The following ZNF322 variants were observed in gnomAD, a reference collection of about 807,000 sequenced individuals.
ZNF322 encodes zinc finger protein 322.
ZNF322 carries 1 observed loss-of-function variant against 18.3 expected under a neutral mutation model. The ratio of observed to expected loss-of-function variants is 0.05; its 90% CI spans 0.02 to 0.26. ZNF322 has a LOEUF of 0.26. Ranked by LOEUF, ZNF322 falls within the 10% of genes least tolerant of loss-of-function variation. ZNF322 has a pLI of 1.00. For synonymous variants in ZNF322, 17 were observed against 130.7 expected (o/e 0.13, Z 5.93); for missense variants, 36 against 403.6 (o/e 0.09, Z 7.80).
rs573592273 is a variant in ZNF322 at position 26,658,621 on chromosome 6, T to C, written c.-309A>G. 1 of 166,892 alleles carries C rather than the reference T, an allele frequency of 6.0e-6. No individual in the cohort carries two copies. The highest frequency in any genetic ancestry group is 1.9e-4 in the East Asian group (1 of 5,190). 10.3% of individuals were successfully genotyped at this position (166,892 alleles called of 1,614,324 possible). A position where few individuals can be genotyped will look rare whatever the true frequency, so the allele number is the denominator to read the frequency against. ...TCAAAAGGTCTCTAGTTCAGAACTA[T>C]TCACAACACTCAATTCTTGCCTCTC... On this transcript the variant is annotated 5_prime_UTR_variant, in exon 2 of 4. Coordinates refer to ENST00000415922, the MANE Select transcript of ZNF322 (RefSeq NM_024639.5).
chr6:26,644,590 A>G (rs189189115), intron 2 of ZNF322, among the ~76,000 whole-genome samples: 3 of 152,356 alleles, frequency 2.0e-5, no homozygotes, highest in Admixed American at 2.0e-4. Context: ...AAAAGCACAT[A>G]GCATGCAAGT....
chr6:26,651,925 A>G (rs1765677439), intron 2 of ZNF322, among the ~76,000 whole-genome samples: 1 of 152,130 alleles, frequency 6.6e-6, no homozygotes, highest in Non-Finnish European at 1.5e-5. Context: ...TCCGCCTCCC[A>G]GGATCAAGTG....
intron 2 of ZNF322, among the ~76,000 whole-genome samples, chr6:26,644,336 C>G (rs1765517822): frequency 6.6e-6 from 1 of 152,166 alleles, no homozygotes; most frequent in Admixed American, 6.5e-5. Context: ...GCAGTTCCCT[C>G]AACAACCTTC....
chr6:26,639,488 A>G lies in ZNF322; in HGVS notation c.-175-760T>C, dbSNP rs1554148110. The stretch of plus-strand genomic sequence containing the variant: ...TTCTTTACATGGTGAAAAGTTGTAA[A>G]AAAAAGTTTTTTCCTCCTCATTCTG... On this transcript the variant is annotated intron_variant, in intron 3 of 3. Coordinates refer to ENST00000415922, the MANE Select transcript of ZNF322 (RefSeq NM_024639.5). Among the ~76,000 whole-genome samples, 3 of 152,306 alleles carry G rather than the reference A, an allele frequency of 2.0e-5. No homozygotes were observed. In the East Asian group the frequency reaches 5.8e-4, roughly 29 times the overall value.
chr6:26,648,968 TTTTCAA>T (rs145080697), intron 2 of ZNF322, among the ~76,000 whole-genome samples: 4,915 of 152,366 alleles, frequency 0.032, 148 homozygotes, highest in African/African-American at 0.089. Context: ...CCACCTGTTT[TTTTCAA>T]ATAAAATTTT....
chr6:26,658,496 C>T, intron 2 of ZNF322, 62 bp downstream of exon 2: 1 of 159,444 alleles, frequency 6.3e-6, no homozygotes. Flanking sequence ...TGTCTTTCAC[C>T]CTGCCCCACC....
chr6:26,640,301 A>G (rs1554148180), intron 3 of ZNF322, among the ~76,000 whole-genome samples: 1 of 152,170 alleles, frequency 6.6e-6, no homozygotes, highest in African/African-American at 2.4e-5. Flanking sequence ...AGAAACCTAC[A>G]AGCTCTTAAG....
At chr6:26,648,886 A>C (rs1765602309) in intron 2 of ZNF322, among the ~76,000 whole-genome samples, 1 of 152,246 alleles carries the variant, frequency 6.6e-6, no homozygotes. Flanking sequence ...AATCTCAATA[A>C]AAATAACAAG....
chr6:26,657,166 T>C (rs1554149777), intron 2 of ZNF322, among the ~76,000 whole-genome samples: 1 of 150,740 alleles, frequency 6.6e-6, no homozygotes, highest in Non-Finnish European at 1.5e-5. Context: ...AGAAGAATGG[T>C]GTGAACCTGG....
At chr6:26,658,951 TTTTG>T (rs1765831104) in intron 1 of ZNF322, 1 of 152,234 alleles carries the variant, frequency 6.6e-6, no homozygotes, top group Non-Finnish European at 1.5e-5. Context: ...TGCTAATTGT[TTTTG>T]TTTGTATTAT....
intron 3 of ZNF322, among the ~76,000 whole-genome samples, chr6:26,642,775 T>C (rs938162896): frequency 6.6e-6 from 1 of 152,246 alleles, no homozygotes; most frequent in African/African-American, 2.4e-5. Flanking sequence ...AAAGGACTTA[T>C]ACTGGGGCTG....
At chr6:26,639,263 G>A (rs1359555849) in intron 3 of ZNF322, among the ~76,000 whole-genome samples, 7 of 152,102 alleles carry the variant, frequency 4.6e-5, no homozygotes, top group Non-Finnish European at 7.4e-5. Context: ...TACCTTACAC[G>A]GTTCTGTGGA....
At chr6:26,653,605 A>C (rs1554149437) in intron 2 of ZNF322, among the ~76,000 whole-genome samples, 2 of 152,226 alleles carry the variant, frequency 1.3e-5, no homozygotes, top group African/African-American at 4.8e-5. Context: ...TATAAATTTA[A>C]AAAAGCAAAG....
At chr6:26,645,160 T>G (rs1354478709) in intron 2 of ZNF322, among the ~76,000 whole-genome samples, 1 of 151,168 alleles carries the variant, frequency 6.6e-6, no homozygotes, top group African/African-American at 2.4e-5. Flanking sequence ...CTAGAGGAAA[T>G]ATAAAGAATG....
At chr6:26,641,779 C>T (rs1383516587) in intron 3 of ZNF322, among the ~76,000 whole-genome samples, 11 of 152,202 alleles carry the variant, frequency 7.2e-5, no homozygotes, top group African/African-American at 2.7e-4. Context: ...ACACAATGCA[C>T]TGTGGAAGGC....
At chr6:26,655,050 C>G (rs1554149578) in intron 2 of ZNF322, among the ~76,000 whole-genome samples, 1 of 152,034 alleles carries the variant, frequency 6.6e-6, no homozygotes, top group Non-Finnish European at 1.5e-5. Context: ...GAGGGAACAT[C>G]AGAAAAACCC....
chr6:26,644,271 T>C (rs186044951), intron 2 of ZNF322, among the ~76,000 whole-genome samples: 58 of 152,280 alleles, frequency 3.8e-4, no homozygotes, highest in East Asian at 7.7e-4. Context: ...CACTTAACCA[T>C]TGATGTCTTT....
At chr6:26,642,875 T>C (rs1218210053) in intron 3 of ZNF322, among the ~76,000 whole-genome samples, 3 of 152,198 alleles carry the variant, frequency 2.0e-5, no homozygotes, top group Non-Finnish European at 4.4e-5. Flanking sequence ...CTTGAAGTCA[T>C]CCTGCACTCT....
In ZNF322 at chr6:26,634,957, A is replaced by G. The variant is rs1353119525; in HGVS notation, c.*2388T>C. 2.7e-4 allele frequency: 6 copies of G among 22,506 alleles called. 2 individuals are homozygous for G. Among genetic ancestry groups the G allele is most frequent in the Non-Finnish European group, 5.4e-4 (6 of 11,038 alleles). The allele number at this position is 22,506 out of a possible 1,614,324, so 1.4% of individuals were successfully genotyped here. On this transcript the variant is annotated 3_prime_UTR_variant, in exon 4 of 4. Coordinates refer to ENST00000415922, the MANE Select transcript of ZNF322 (RefSeq NM_024639.5). Reference sequence around the variant, plus strand: ...GTGATAGGCATGATTTTCACCAGAGAAAAAAAATACATCTTGTGTGTCTTA... The same window carrying G: ...GTGATAGGCATGATTTTCACCAGAGGAAAAAAATACATCTTGTGTGTCTTA...
Sources: allele counts gnomAD v4.1 joint callset (sites outside exome capture counted in the v4.1 genomes callset), GRCh38; gene constraint gnomAD v4.1.1; transcripts MANE v1.5; gene names NCBI Gene and HGNC (gene_info 2026-07-23, HGNC 2026-07-21).